RBFOX1: variants seen among roughly 807,000 people sequenced by gnomAD.
RBFOX1 encodes the protein RNA binding protein fox-1 homolog 1.
Under a neutral mutation model 57.7 loss-of-function variants are expected in RBFOX1, and 8 were observed. The ratio of observed to expected loss-of-function variants is 0.14; its 90% CI spans 0.08 to 0.25. The LOEUF is 0.25. Ranked by LOEUF, RBFOX1 falls within the 10% of genes least tolerant of loss-of-function variation. RBFOX1 has a pLI of 1.00. For missense variants in RBFOX1, 611 were observed against 548.5 expected (o/e 1.11, Z -1.14); for synonymous variants, 326 against 222.4 (o/e 1.47, Z -4.15).
At chr16:6,135,785 C>CTTTTTTT (rs35563303) in intron 1 of RBFOX1, among the ~76,000 whole-genome samples, 1 of 85,034 alleles carries the variant, frequency 1.2e-5, no homozygotes, top group Non-Finnish European at 2.2e-5. Context: ...CTCGTTTCGA[C>CTTTTTTT]TTTTTTTTTT....
At chr16:7,164,678 C>T (rs991891483) in intron 4 of RBFOX1, among the ~76,000 whole-genome samples, 2 of 152,170 alleles carry the variant, frequency 1.3e-5, no homozygotes, top group Non-Finnish European at 1.5e-5. Flanking sequence ...ATTTCAAAAT[C>T]GTGTGCACAT....
chr16:6,542,483 C>CTTTTTTTTTTTTTTTTTT lies in RBFOX1; in HGVS notation c.-63-112113_-63-112096dup, dbSNP rs71145245. ...CCACTGCCCTGTGTGGGACCATAGT[C>CTTTTTTTTTTTTTTTTTT]TTTTTTTTTTTTTTTTTTTTTTTTG... On this transcript the variant is annotated intron_variant, in intron 2 of 15. Coordinates refer to ENST00000550418, the MANE Select transcript of RBFOX1 (RefSeq NM_018723.4). 2.3e-4 allele frequency among the ~76,000 whole-genome samples: 13 copies of CTTTTTTTTTTTTTTTTTT among 55,730 alleles called. 2 individuals are homozygous for CTTTTTTTTTTTTTTTTTT. The highest frequency in any genetic ancestry group is 3.8e-4 in the African/African-American group (5 of 13,234). 36.6% of individuals were successfully genotyped at this position (55,730 alleles called of 152,430 possible).
intron 2 of RBFOX1, among the ~76,000 whole-genome samples, chr16:6,393,405 T>C (rs1371236434): frequency 6.6e-6 from 1 of 152,192 alleles, no homozygotes; most frequent in East Asian, 1.9e-4. Context: ...TGAGATATTG[T>C]GGGCATTTGG....
At chr16:6,774,279 A>C (rs865906585) in intron 3 of RBFOX1, among the ~76,000 whole-genome samples, 2 of 152,102 alleles carry the variant, frequency 1.3e-5, no homozygotes, top group African/African-American at 4.8e-5. Flanking sequence ...TGTCTACTCT[A>C]TTCCCTCCCA....
At chr16:7,627,713 G>A (rs1312051116) in intron 10 of RBFOX1, among the ~76,000 whole-genome samples, 1 of 152,108 alleles carries the variant, frequency 6.6e-6, no homozygotes, top group Admixed American at 6.6e-5. Context: ...CCAAAAAAAT[G>A]CATGGAGGTT....
At chr16:5,497,752 C>T (rs554104857) in intron 2 of RBFOX1, among the ~76,000 whole-genome samples, 18 of 152,200 alleles carry the variant, frequency 1.2e-4, no homozygotes, top group African/African-American at 4.1e-4. Flanking sequence ...CCACAGCACT[C>T]CAGCCTGGAC....
At chr16:6,934,299 T>G (rs1209299875) in intron 3 of RBFOX1, among the ~76,000 whole-genome samples, 1 of 152,214 alleles carries the variant, frequency 6.6e-6, no homozygotes, top group Non-Finnish European at 1.5e-5. Context: ...GGATTTTCTT[T>G]TTCATGATGT....
chr16:6,540,611 C>CAAAAAAA (rs140566519), intron 2 of RBFOX1, among the ~76,000 whole-genome samples: 1 of 67,628 alleles, frequency 1.5e-5, no homozygotes, highest in African/African-American at 5.6e-5. Context: ...GACTCTGTCT[C>CAAAAAAA]AAAAAAAAAA....
intron 3 of RBFOX1, among the ~76,000 whole-genome samples, chr16:6,844,933 C>G (rs2093678997): frequency 6.6e-6 from 1 of 152,142 alleles, no homozygotes; most frequent in Admixed American, 6.5e-5. Context: ...CTCTAATGAT[C>G]AGTGATACTA....
At chr16:7,526,383 GA>G in intron 5 of RBFOX1, among the ~76,000 whole-genome samples, 1 of 152,244 alleles carries the variant, frequency 6.6e-6, no homozygotes, top group East Asian at 1.9e-4. Flanking sequence ...CTGGCCTCTG[GA>G]CTTGACAAGA....
At chr16:6,874,588 G>A (rs1240914441) in intron 3 of RBFOX1, among the ~76,000 whole-genome samples, 2 of 149,302 alleles carry the variant, frequency 1.3e-5, no homozygotes, top group Non-Finnish European at 3.0e-5. Context: ...GGCCGTTATT[G>A]TAAGTGAAGT....
intron 1 of RBFOX1, among the ~76,000 whole-genome samples, chr16:6,216,926 C>G (rs762151028): frequency 1.8e-4 from 27 of 151,534 alleles, no homozygotes; most frequent in Non-Finnish European, 3.7e-4. Context: ...GGCTGGTCTT[C>G]TGTTCTTTCT....
chr16:7,437,200 A>T (rs957294730), intron 4 of RBFOX1, among the ~76,000 whole-genome samples: 1 of 152,146 alleles, frequency 6.6e-6, no homozygotes, highest in Non-Finnish European at 1.5e-5. Flanking sequence ...CAAGTTCACA[A>T]TCACAAACAA....
At chr16:6,706,374 C>G (rs1011934025) in intron 3 of RBFOX1, among the ~76,000 whole-genome samples, 2 of 152,124 alleles carry the variant, frequency 1.3e-5, no homozygotes, top group African/African-American at 4.8e-5. Context: ...ATGTAGCAGC[C>G]CAATTAATAG....
In RBFOX1 at chr16:6,518,343, CTG is replaced by C. The variant is rs201498041; in HGVS notation, c.-63-136259_-63-136258del. 2.5e-3 allele frequency among the ~76,000 whole-genome samples: 377 copies of C among 152,216 alleles called. 4 individuals carry two copies. In the East Asian group the frequency reaches 0.054, roughly 22 times the overall value. ...ATACGTGATCCAGGGAAAGGACAAACTGAGAGATTCATGGCTCAAGGCTTTCT... is the reference window on the plus strand; with the variant it reads ...ATACGTGATCCAGGGAAAGGACAAACAGAGATTCATGGCTCAAGGCTTTCT... On this transcript the variant is annotated intron_variant, in intron 2 of 15. Transcript: ENST00000550418.
At chr16:6,622,028 A>C (rs1003079838) in intron 2 of RBFOX1, among the ~76,000 whole-genome samples, 2 of 152,208 alleles carry the variant, frequency 1.3e-5, no homozygotes, top group African/African-American at 4.8e-5. Flanking sequence ...AGCCTTTACA[A>C]GACCTGAGAG....
intron 2 of RBFOX1, among the ~76,000 whole-genome samples, chr16:6,402,138 A>C (rs1362281073): frequency 4.6e-5 from 7 of 152,146 alleles, no homozygotes; most frequent in Admixed American, 2.0e-4. Context: ...GTCCCAAAAA[A>C]ATGCTAAGCA....
chr16:6,619,080 G>T (rs147701604), intron 2 of RBFOX1, among the ~76,000 whole-genome samples: 1 of 152,190 alleles, frequency 6.6e-6, no homozygotes, highest in East Asian at 1.9e-4. Flanking sequence ...AGAGGGTCAA[G>T]GTTGCATACC....
chr16:5,510,442 G>A (rs1039696099), intron 2 of RBFOX1, among the ~76,000 whole-genome samples: 5 of 152,148 alleles, frequency 3.3e-5, no homozygotes, highest in African/African-American at 9.7e-5. Context: ...CACTGGTGGA[G>A]CAGAAACATG....
Sources: gnomAD v4.1 joint callset for allele counts (sites outside exome capture counted in the v4.1 genomes callset) on GRCh38, gnomAD v4.1.1 for gene constraint, MANE v1.5 for transcripts, NCBI Gene and HGNC (gene_info 2026-07-23, HGNC 2026-07-21) for gene names.